Variants in PCDHGA10 observed in about 807,000 individuals in gnomAD.
The protein encoded by PCDHGA10 is protocadherin gamma-A10.
PCDHGA10 carries 42 observed loss-of-function variants against 59.5 expected under a neutral mutation model. The ratio of observed to expected loss-of-function variants is 0.71; its 90% CI spans 0.55 to 0.91. PCDHGA10 has a LOEUF of 0.91. Among genes scored for constraint, PCDHGA10 ranks in the 40% least tolerant of loss-of-function variants. The pLI is 0.00. For synonymous variants in PCDHGA10, 511 were observed against 517.2 expected, an observed-to-expected ratio of 0.99 and a Z score of 0.16; for missense variants, 1,111 against 1,198.2, an observed-to-expected ratio of 0.93 and a Z score of 1.07.
rs781367282 is a variant in PCDHGA10 at position 141,485,525 on chromosome 5, C to G, written c.2437-9282C>G. On this transcript the variant is annotated intron_variant, in intron 1 of 3. Transcript: ENST00000398610. This position sits in a 1 kb window ranked among gnomAD's most constrained non-coding sequence, Gnocchi z 5.7. ...CACCGAAGGTCCTTTGGAAATGTAC[C>G]GAGCAGAGGTAGAGATCGTAGATGT... is the stretch of plus-strand genomic sequence containing the variant. 5 of 1,614,122 alleles carry G rather than the reference C, an allele frequency of 3.1e-6. No homozygotes were observed. The highest frequency in any genetic ancestry group is 2.5e-6 in the Non-Finnish European group (3 of 1,180,022).
Position 141,485,959 on chromosome 5 carries a change from C to A in PCDHGA10, c.2437-8848C>A, listed in dbSNP as rs758835557. The A allele has an allele frequency of 6.2e-7, 1 of 1,614,160 alleles. No homozygotes were observed. The highest frequency in any genetic ancestry group is 1.3e-5 in the African/African-American group (1 of 75,054). Reference sequence around the variant, plus strand: ...GCGCACCAGCGGGCATGGTGCTCATCCAGCTCAATGCCTCAGACCCGGACC... The same window carrying A: ...GCGCACCAGCGGGCATGGTGCTCATACAGCTCAATGCCTCAGACCCGGACC... On this transcript the variant is annotated intron_variant, in intron 1 of 3. Coordinates refer to ENST00000398610, the MANE Select transcript of PCDHGA10 (RefSeq NM_018913.3). The surrounding 1 kb of genome is among the most constrained non-coding windows in gnomAD (Gnocchi z 5.7).
Position 141,493,685 on chromosome 5 carries a change from G to A in PCDHGA10, c.2437-1122G>A, listed in dbSNP as rs139973755. ...CCATGGCAGCCCCAGAATGGTGCTG[G>A]TGACTCCCGATACACCTGGAATGCT... On this transcript the variant is annotated intron_variant, in intron 1 of 3. Transcript: ENST00000398610. The surrounding 1 kb of genome is among the most constrained non-coding windows in gnomAD (Gnocchi z 4.3). 1.1e-3 allele frequency among the ~76,000 whole-genome samples: 165 copies of A among 152,282 alleles called. 3 individuals carry two copies. The highest frequency in any genetic ancestry group is 8.2e-3 in the Admixed American group (125 of 15,298).
chr5:141,484,949 A>C, intron 1 of PCDHGA10: 1 of 557,400 alleles, frequency 1.8e-6, no homozygotes, highest in Non-Finnish European at 3.2e-6. Context: ...TGCTCAGCCT[A>C]TTGGCTGAGC....
At chr5:141,415,801 A>G (rs560476453) in intron 1 of PCDHGA10, 190 bp downstream of exon 1, 12 of 1,373,384 alleles carry the variant, frequency 8.7e-6, no homozygotes, top group East Asian at 5.3e-5. Flanking sequence ...CCTAGTCTCA[A>G]TCAAGGCCTA....
At chr5:141,426,010 C>T (rs2096909211) in intron 1 of PCDHGA10, among the ~76,000 whole-genome samples, 1 of 152,178 alleles carries the variant, frequency 6.6e-6, no homozygotes, top group Non-Finnish European at 1.5e-5. Flanking sequence ...CTTCCGGCTG[C>T]AGTTTTCTAA....
At chr5:141,463,738 G>C (rs1002263384) in intron 1 of PCDHGA10, among the ~76,000 whole-genome samples, 1 of 151,978 alleles carries the variant, frequency 6.6e-6, no homozygotes, top group East Asian at 1.9e-4. Flanking sequence ...GAGCCACCGC[G>C]CCCGGCCTGC....
Position 141,413,487 on chromosome 5 carries a change from G to A in PCDHGA10, c.312G>A (p.Ala104=), listed in dbSNP as rs1190400492. 3 of 1,613,928 alleles carry A rather than the reference G, an allele frequency of 1.9e-6. No individual in the cohort carries two copies. The highest frequency in any genetic ancestry group is 2.7e-5 in the African/African-American group (2 of 74,948). ...IDREELCAQS[A]RCVVSFNILV... Reference sequence around the variant, plus strand: ...GGGAGGAGCTCTGCGCTCAGAGCGCGCGGTGCGTGGTGAGTTTTAATATCC... The same window carrying A: ...GGGAGGAGCTCTGCGCTCAGAGCGCACGGTGCGTGGTGAGTTTTAATATCC... The change falls in exon 1 of 4, where the codon GCG becomes GCA. Residue 104 remains alanine, a synonymous_variant. Coordinates refer to ENST00000398610, the MANE Select transcript of PCDHGA10 (RefSeq NM_018913.3).
At chr5:141,500,473 T>C (rs911171031) in intron 2 of PCDHGA10, among the ~76,000 whole-genome samples, 10 of 152,132 alleles carry the variant, frequency 6.6e-5, no homozygotes, top group Admixed American at 4.6e-4. Flanking sequence ...CCTCCCAAAG[T>C]GCTGGGATTA....
intron 1 of PCDHGA10, among the ~76,000 whole-genome samples, chr5:141,463,087 C>T (rs971667191): frequency 6.6e-6 from 1 of 152,120 alleles, no homozygotes; most frequent in Non-Finnish European, 1.5e-5. Context: ...CATTTTCCAG[C>T]CCTATGTGAC....
chr5:141,448,099 T>C (rs1002430560), intron 1 of PCDHGA10, among the ~76,000 whole-genome samples: 1 of 151,272 alleles, frequency 6.6e-6, no homozygotes, highest in African/African-American at 2.4e-5. Context: ...AAAAAAAAAA[T>C]TAAAAGAAAA....
rs1422289231 is a variant in PCDHGA10 at position 141,414,947 on chromosome 5, T to C, written c.1772T>C (p.Leu591Pro). The change falls in exon 1 of 4, where the codon CTG becomes CCG. Residue 591 changes from leucine (L) to proline (P), a missense_variant. Transcript: ENST00000398610. The stretch of plus-strand genomic sequence containing the variant: ...CCCCGCTCCGCAGAGCCCGGCTACC[T>C]GGTGACCAAGGTGGTGGCGGTGGAC... ...LAPRSAEPGYLVTKVVAVDRD... is the reference protein window; with the variant it reads ...LAPRSAEPGYPVTKVVAVDRD... The C allele has an allele frequency of 6.2e-7, 1 of 1,614,052 alleles. No individual in the cohort carries two copies. The highest frequency in any genetic ancestry group is 8.5e-7 in the Non-Finnish European group (1 of 1,180,036).
In PCDHGA10 at chr5:141,511,261, G is replaced by A; in HGVS notation, c.*88G>A. On this transcript the variant is annotated 3_prime_UTR_variant, in exon 4 of 4. Transcript: ENST00000398610. The stretch of plus-strand genomic sequence containing the variant: ...CTGCACCCAGGCCTCAGAGTTTCAG[G>A]GCTAACCCCCAGAATACTGGTAGGG... 2 of 1,557,474 alleles carry A rather than the reference G, an allele frequency of 1.3e-6. No homozygotes were observed. The highest frequency in any genetic ancestry group is 1.4e-5 in the African/African-American group (1 of 73,440).
At position 141,487,289 on chromosome 5, in the gene PCDHGA10, G is replaced by T; in HGVS notation, c.2437-7518G>T. 6.2e-7 allele frequency: 1 copy of T among 1,614,096 alleles called. No individual in the cohort carries two copies. The highest frequency in any genetic ancestry group is 8.5e-7 in the Non-Finnish European group (1 of 1,180,024). On this transcript the variant is annotated intron_variant, in intron 1 of 3. Coordinates refer to ENST00000398610, the MANE Select transcript of PCDHGA10 (RefSeq NM_018913.3). The surrounding 1 kb of genome is among the most constrained non-coding windows in gnomAD (Gnocchi z 5.0). Reference sequence around the variant, plus strand: ...AGTGGCAATTTGCTTTGTCTCCTTTGGCTCATTCGTGGCACTACTCTCTAA... The same window carrying T: ...AGTGGCAATTTGCTTTGTCTCCTTTTGCTCATTCGTGGCACTACTCTCTAA...
chr5:141,434,106 T>C (rs1195019110), intron 1 of PCDHGA10, among the ~76,000 whole-genome samples: 1 of 152,236 alleles, frequency 6.6e-6, no homozygotes, highest in Non-Finnish European at 1.5e-5. Context: ...TGTCCCAGGA[T>C]TGGCCTTTGG....
At chr5:141,430,935 T>G (rs748546768) in intron 1 of PCDHGA10, 1 of 1,607,814 alleles carries the variant, frequency 6.2e-7, no homozygotes. Context: ...CCCCGGGAGC[T>G]CGCGGAGCGC....
intron 1 of PCDHGA10, chr5:141,416,636 C>A (rs2096047139): frequency 6.6e-6 from 1 of 152,066 alleles, no homozygotes; most frequent in South Asian, 2.1e-4. Context: ...AATATAAACA[C>A]CAACCACAGC....
Position 141,491,663 on chromosome 5 carries a change from T to G in PCDHGA10, c.2437-3144T>G, listed in dbSNP as rs895604632. ...GCTCTGGCGCTGGAGCCTGACGCCA[T>G]CCGGTCCCGCTCTAATACGCTGCGG... On this transcript the variant is annotated intron_variant, in intron 1 of 3. Coordinates refer to ENST00000398610, the MANE Select transcript of PCDHGA10 (RefSeq NM_018913.3). The surrounding 1 kb of genome is among the most constrained non-coding windows in gnomAD (Gnocchi z 6.9). The G allele has an allele frequency of 3.1e-6, 5 of 1,613,650 alleles. No homozygotes were observed. Among genetic ancestry groups the G allele is most frequent in the Non-Finnish European group, 4.2e-6 (5 of 1,180,014 alleles).
intron 2 of PCDHGA10, among the ~76,000 whole-genome samples, chr5:141,497,541 T>A (rs1157403777): frequency 1.1e-5 from 1 of 89,566 alleles, no homozygotes; most frequent in Admixed American, 1.2e-4. Context: ...GCAACAAACC[T>A]TTTTTTTTTT....
intron 1 of PCDHGA10, chr5:141,422,304 A>G: frequency 6.5e-7 from 1 of 1,548,524 alleles, no homozygotes; most frequent in Non-Finnish European, 8.7e-7. Context: ...CAATTCTGGA[A>G]AACTCTCCTC....
Sources: gnomAD v4.1 joint callset for allele counts (sites outside exome capture counted in the v4.1 genomes callset) on GRCh38, gnomAD v4.1.1 for gene constraint, Gnocchi (gnomAD v3.1) non-coding constraint, MANE v1.5 for transcripts, NCBI Gene and HGNC (gene_info 2026-07-23, HGNC 2026-07-21) for gene names.